The following PDS5A variants were observed in gnomAD, a reference collection of about 807,000 sequenced individuals.
The protein encoded by PDS5A is sister chromatid cohesion protein PDS5 homolog A.
In PDS5A, 42 loss-of-function variants were observed where a neutral mutation model predicts 167.1. The ratio of observed to expected loss-of-function variants is 0.25; its 90% CI spans 0.20 to 0.33. PDS5A has a LOEUF of 0.33. PDS5A is among the 10% of genes least tolerant of loss of function. The pLI is 1.00. For missense variants in PDS5A, 1,033 were observed against 1,605.9 expected (o/e 0.64, Z 6.10); for synonymous variants, 553 against 554.6 (o/e 1.00, Z 0.04).
At chr4:39,930,247 G>GTTTGTT (rs1725915659) in intron 2 of PDS5A, among the ~76,000 whole-genome samples, 1 of 61,960 alleles carries the variant, frequency 1.6e-5, no homozygotes, top group South Asian at 6.6e-4. Context: ...AAAAAAAAAA[G>GTTTGTT]TTTTTTTGTT....
intron 2 of PDS5A, chr4:39,976,043 T>G (rs1458191033): frequency 1.3e-5 from 2 of 154,392 alleles, no homozygotes; most frequent in Non-Finnish European, 2.9e-5. Flanking sequence ...TATAGAAAAT[T>G]ATGCAAATTT....
chr4:39,969,614 C>T (rs371066143), intron 2 of PDS5A, among the ~76,000 whole-genome samples: 2 of 151,906 alleles, frequency 1.3e-5, no homozygotes, highest in Non-Finnish European at 2.9e-5. Flanking sequence ...TGCAGTGAGC[C>T]GAGATCAGGC....
rs927817623 is a variant in PDS5A at position 39,845,673 on chromosome 4, G to A, written c.3402+145C>T. ...CTGGCAGAAAAATTCTAAAAGCATG[G>A]CTGCTTTAGATGCTTTAAATCCATA... On this transcript the variant is annotated intron_variant, in intron 29 of 32. Transcript: ENST00000303538. The A allele has an allele frequency of 4.4e-6, 4 of 911,606 alleles. No individual in the cohort carries two copies. The South Asian group carries it at 1.9e-4, about 43-fold the overall frequency. 56.5% of individuals were successfully genotyped at this position (911,606 alleles called of 1,614,324 possible).
intron 17 of PDS5A, among the ~76,000 whole-genome samples, chr4:39,881,023 T>C (rs2109592784): frequency 6.6e-6 from 1 of 152,286 alleles, no homozygotes; most frequent in Non-Finnish European, 1.5e-5. Flanking sequence ...CTTTTTTTTT[T>C]TAGCTTCCAC....
At chr4:39,949,529 C>T (rs1728122277) in intron 2 of PDS5A, among the ~76,000 whole-genome samples, 1 of 151,830 alleles carries the variant, frequency 6.6e-6, no homozygotes, top group South Asian at 2.1e-4. Context: ...GAGATGATAA[C>T]TGTTCTAAAA....
At position 39,863,319 on chromosome 4, in the gene PDS5A, A is replaced by G. The variant is rs747451635; in HGVS notation, c.2766+17T>C. On this transcript the variant is annotated intron_variant, in intron 24 of 32. Transcript: ENST00000303538. The stretch of plus-strand genomic sequence containing the variant: ...CTTTGAAGATAAGTAATTGACAAAA[A>G]TAAGATTGTTACTTACATTAATAAC... 2.6e-6 allele frequency: 4 copies of G among 1,559,950 alleles called. No homozygotes were observed. The highest frequency in any genetic ancestry group is 3.5e-6 in the Non-Finnish European group (4 of 1,151,712).
intron 2 of PDS5A, among the ~76,000 whole-genome samples, chr4:39,962,358 T>C (rs1729567439): frequency 6.6e-6 from 1 of 152,050 alleles, no homozygotes; most frequent in African/African-American, 2.4e-5. Context: ...GCCCGGCCTC[T>C]TCCTGAGTTT....
intron 30 of PDS5A, 150 bp from the exon 31 acceptor site, chr4:39,842,206 CTA>C (rs1223068731): frequency 1.7e-6 from 1 of 573,402 alleles, no homozygotes; most frequent in East Asian, 2.9e-5. Context: ...TAGTTATAGA[CTA>C]TTGCTTTAAA....
At chr4:39,870,220 C>A (rs1413017606) in intron 21 of PDS5A, among the ~76,000 whole-genome samples, 2 of 152,048 alleles carry the variant, frequency 1.3e-5, no homozygotes, top group African/African-American at 4.8e-5. Context: ...CAGAATTAAT[C>A]AAATATCTCA....
chr4:39,913,759 C>T (rs1724098806), intron 8 of PDS5A, 33 bp from the exon 9 acceptor site: 1 of 1,042,232 alleles, frequency 9.6e-7, no homozygotes, highest in Non-Finnish European at 1.5e-6. Flanking sequence ...GAAGCCTAAG[C>T]TTTATTCACC....
chr4:39,874,551 T>C, intron 19 of PDS5A, 139 bp from the exon 20 acceptor site: 2 of 663,724 alleles, frequency 3.0e-6, no homozygotes, highest in Non-Finnish European at 4.9e-6. Context: ...CTAAAGAAAG[T>C]TGTAAAAAAG....
rs923710992 is a variant in PDS5A at position 39,869,568 on chromosome 4, G to C, written c.2437-106C>G. On this transcript the variant is annotated intron_variant, in intron 21 of 32. Coordinates refer to ENST00000303538, the MANE Select transcript of PDS5A (RefSeq NM_001100399.2). ...CAACACAGCCTCTGAGAAACCTACG[G>C]GAACATCACCAACCAGAGCTTGGAA... The C allele has an allele frequency of 4.2e-6, 3 of 716,380 alleles. No individual in the cohort carries two copies. In the African/African-American group the frequency reaches 5.3e-5, roughly 13 times the overall value. The allele number at this position is 716,380 out of a possible 1,614,324, so 44.4% of individuals were successfully genotyped here.
At chr4:39,935,387 C>T (rs781056193) in intron 2 of PDS5A, among the ~76,000 whole-genome samples, 5 of 152,182 alleles carry the variant, frequency 3.3e-5, no homozygotes, top group African/African-American at 7.2e-5. Context: ...CGTGAGCCAC[C>T]GCGTCTGGCC....
chr4:39,935,589 C>A (rs990021400), intron 2 of PDS5A, among the ~76,000 whole-genome samples: 3 of 152,072 alleles, frequency 2.0e-5, no homozygotes, highest in Non-Finnish European at 2.9e-5. Context: ...AACTGCTATA[C>A]CATGTAGGCC....
intron 3 of PDS5A, among the ~76,000 whole-genome samples, 185 bp downstream of exon 3, chr4:39,927,776 C>T (rs752622455): frequency 3.9e-5 from 6 of 152,084 alleles, no homozygotes; most frequent in Non-Finnish European, 7.4e-5. Flanking sequence ...AATCAAACAA[C>T]CAAGCAACCC....
chr4:39,973,581 G>A, intron 2 of PDS5A: 1 of 1,279,464 alleles, frequency 7.8e-7, no homozygotes, highest in Non-Finnish European at 1.1e-6. Flanking sequence ...ACAGCAAAGG[G>A]TTTGGTTTCG....
intron 7 of PDS5A, among the ~76,000 whole-genome samples, chr4:39,919,337 TATG>T (rs1204913874): frequency 6.6e-6 from 1 of 152,158 alleles, no homozygotes; most frequent in Non-Finnish European, 1.5e-5. Flanking sequence ...TAAATACAAA[TATG>T]ACGATAAAAA....
intron 1 of PDS5A, 144 bp from the exon 2 acceptor site, chr4:39,976,761 A>G: frequency 2.1e-6 from 1 of 481,140 alleles, no homozygotes; most frequent in Non-Finnish European, 3.7e-6. Context: ...GCTCTTTCCC[A>G]GGGATCGAAC....
intron 32 of PDS5A, among the ~76,000 whole-genome samples, chr4:39,830,902 C>T (rs1262976109): frequency 6.6e-6 from 1 of 152,224 alleles, no homozygotes; most frequent in Non-Finnish European, 1.5e-5. Context: ...TAGAATTGGT[C>T]TAATTTAACC....
Sources: gnomAD v4.1 joint callset for allele counts (sites outside exome capture counted in the v4.1 genomes callset) on GRCh38, gnomAD v4.1.1 for gene constraint, MANE v1.5 for transcripts, NCBI Gene and HGNC (gene_info 2026-07-23, HGNC 2026-07-21) for gene names.